Variants in GRB14 observed in about 807,000 individuals in gnomAD.
GRB14 encodes the protein growth factor receptor bound protein 14, also known as growth factor receptor-bound protein 14.
GRB14 carries 38 observed loss-of-function variants against 69.1 expected under a neutral mutation model. That is an observed-to-expected ratio of 0.55 (90% CI 0.42 to 0.72). The LOEUF is 0.72. Among genes scored for constraint, GRB14 ranks in the 30% least tolerant of loss-of-function variants. The pLI, the probability that GRB14 is intolerant of heterozygous loss-of-function variation, is 0.00. For missense variants in GRB14, 666 were observed against 666.1 expected (o/e 1.00, Z 0.00); for synonymous variants, 247 against 241.3 (o/e 1.02, Z -0.22).
At chr2:164,512,539 A>G (rs73020253) in intron 6 of GRB14, among the ~76,000 whole-genome samples, 4,105 of 152,306 alleles carry the variant, frequency 0.027, 175 homozygotes, top group African/African-American at 0.094. Flanking sequence ...GACTGGGGGA[A>G]CTTGCTGCCC....
intron 12 of GRB14, 41 bp from the exon 13 acceptor site, chr2:164,494,565 C>T (rs747750057): frequency 1.0e-6 from 1 of 997,552 alleles, no homozygotes; most frequent in Non-Finnish European, 1.6e-6. Flanking sequence ...TATATTTACT[C>T]ATGGATTTCA....
intron 2 of GRB14, among the ~76,000 whole-genome samples, chr2:164,610,444 G>A (rs1186390590): frequency 6.6e-6 from 1 of 151,988 alleles, no homozygotes; most frequent in East Asian, 1.9e-4. Context: ...TTTCATACGT[G>A]TTAAATGAAA....
At chr2:164,516,457 C>G (rs1687488315) in intron 6 of GRB14, among the ~76,000 whole-genome samples, 1 of 151,320 alleles carries the variant, frequency 6.6e-6, no homozygotes, top group Non-Finnish European at 1.5e-5. Context: ...CACTGCACTT[C>G]TGCCTGGCAA....
At chr2:164,587,719 C>A (rs1689571426) in intron 2 of GRB14, among the ~76,000 whole-genome samples, 1 of 152,134 alleles carries the variant, frequency 6.6e-6, no homozygotes, top group Non-Finnish European at 1.5e-5. Flanking sequence ...TTTTCCAATG[C>A]AAGATCTGCT....
chr2:164,574,159 G>C, intron 2 of GRB14: 4 of 622,690 alleles, frequency 6.4e-6, no homozygotes, highest in Non-Finnish European at 8.5e-6. Context: ...CTTTACAGTT[G>C]ATGAGCTGAT....
chr2:164,548,135 C>T (rs187914603), intron 2 of GRB14, among the ~76,000 whole-genome samples: 1 of 152,214 alleles, frequency 6.6e-6, no homozygotes, highest in African/African-American at 2.4e-5. Flanking sequence ...ACTTTGTATC[C>T]TTGATCTACA....
intron 2 of GRB14, among the ~76,000 whole-genome samples, chr2:164,548,392 G>T (rs1406888024): frequency 1.3e-5 from 2 of 152,184 alleles, no homozygotes; most frequent in African/African-American, 2.4e-5. Flanking sequence ...CTGTATGTGT[G>T]TGTGTGTGTG....
intron 3 of GRB14, among the ~76,000 whole-genome samples, chr2:164,533,299 C>A (rs1286178887): frequency 8.2e-6 from 1 of 121,764 alleles, no homozygotes. Context: ...GTGGCGCAAT[C>A]TCGGCTCACT....
At chr2:164,577,538 G>T (rs1160350164) in intron 2 of GRB14, among the ~76,000 whole-genome samples, 1 of 152,160 alleles carries the variant, frequency 6.6e-6, no homozygotes, top group African/African-American at 2.4e-5. Context: ...CCCTTCTGCC[G>T]TGATTTTAAG....
intron 2 of GRB14, among the ~76,000 whole-genome samples, chr2:164,606,051 T>A (rs1425326796): frequency 6.6e-6 from 1 of 152,212 alleles, no homozygotes; most frequent in Non-Finnish European, 1.5e-5. Flanking sequence ...CATTATGTAT[T>A]CTACTCATAA....
intron 2 of GRB14, among the ~76,000 whole-genome samples, chr2:164,602,331 C>T (rs988101297): frequency 1.3e-5 from 2 of 151,836 alleles, no homozygotes; most frequent in Non-Finnish European, 2.9e-5. Context: ...TACCTATGAA[C>T]ATATAAGGAA....
At chr2:164,496,159 T>C (rs912146076) in intron 12 of GRB14, among the ~76,000 whole-genome samples, 4 of 152,210 alleles carry the variant, frequency 2.6e-5, no homozygotes, top group African/African-American at 9.6e-5. Context: ...AATTTCAGTA[T>C]TAAATCACCT....
chr2:164,502,120 C>G, intron 9 of GRB14, 135 bp downstream of exon 9: 1 of 497,956 alleles, frequency 2.0e-6, no homozygotes, highest in Non-Finnish European at 3.7e-6. Context: ...TAACATTATA[C>G]TAGAATGGTG....
At chr2:164,620,648 A>G (rs937729980) in intron 1 of GRB14, among the ~76,000 whole-genome samples, 1 of 152,210 alleles carries the variant, frequency 6.6e-6, no homozygotes, top group Non-Finnish European at 1.5e-5. Context: ...GGAGATTGGG[A>G]AACCCTTTAA....
chr2:164,548,419 T>C (rs1259282955), intron 2 of GRB14, among the ~76,000 whole-genome samples: 1 of 152,078 alleles, frequency 6.6e-6, no homozygotes, highest in Non-Finnish European at 1.5e-5. Context: ...AAATATAAAA[T>C]AAATTATGTA....
At chr2:164,526,350 A>T (rs1446191644) in intron 4 of GRB14, among the ~76,000 whole-genome samples, 1 of 152,064 alleles carries the variant, frequency 6.6e-6, no homozygotes, top group Non-Finnish European at 1.5e-5. Flanking sequence ...GGCTATTCTG[A>T]CTTTTCTAGA....
intron 2 of GRB14, among the ~76,000 whole-genome samples, chr2:164,586,165 G>C (rs1398871956): frequency 6.6e-6 from 1 of 152,182 alleles, no homozygotes; most frequent in African/African-American, 2.4e-5. Flanking sequence ...GTATAAATGG[G>C]AGGAAGTGAA....
chr2:164,616,425 C>CAAAAAAAAAAAAA (rs34263597), intron 2 of GRB14, among the ~76,000 whole-genome samples: 1 of 66,628 alleles, frequency 1.5e-5, no homozygotes, highest in East Asian at 6.0e-4. Context: ...GACTCCGTCT[C>CAAAAAAAAAAAAA]AAAAAAAAAA....
intron 2 of GRB14, chr2:164,573,620 C>A: frequency 7.2e-7 from 1 of 1,379,370 alleles, no homozygotes; most frequent in Non-Finnish European, 9.9e-7. Context: ...ATTATTTCAT[C>A]TTTCTTTAAT....
Sources: allele counts gnomAD v4.1 joint callset (sites outside exome capture counted in the v4.1 genomes callset), GRCh38; gene constraint gnomAD v4.1.1; transcripts MANE v1.5; gene names NCBI Gene and HGNC (gene_info 2026-07-23, HGNC 2026-07-21).